ERICH1: variants seen among roughly 807,000 people sequenced by gnomAD.
ERICH1 encodes the protein glutamate rich 1.
In ERICH1, 56 loss-of-function variants were observed where a neutral mutation model predicts 39.6. That is an observed-to-expected ratio of 1.41 (90% CI 1.14 to 1.77). ERICH1 has a LOEUF of 1.77. Among genes scored for constraint, ERICH1 ranks in the 40% most tolerant of loss-of-function variants. ERICH1 has a pLI of 0.00. For synonymous variants in ERICH1, 313 were observed against 223.6 expected (o/e 1.40, Z -3.57); for missense variants, 826 against 575.4 (o/e 1.44, Z -4.45).
chr8:666,196 T>TG (rs1802209392), intron 5 of ERICH1: 1 of 152,174 alleles, frequency 6.6e-6, no homozygotes, highest in African/African-American at 2.4e-5. Context: ...GTTTTAATAA[T>TG]GGGGGGTTCT....
intron 3 of ERICH1, chr8:615,506 T>G: frequency 2.3e-6 from 1 of 438,518 alleles, no homozygotes; most frequent in Non-Finnish European, 4.0e-6. Context: ...CTGACACCAT[T>G]CCTGCAAAGG....
At chr8:655,789 C>T (rs959565498) in intron 3 of ERICH1, among the ~76,000 whole-genome samples, 5 of 105,928 alleles carry the variant, frequency 4.7e-5, no homozygotes, top group Non-Finnish European at 1.1e-4. Flanking sequence ...TATTTAAATA[C>T]ATTCCTGCAG....
chr8:664,717 CA>C, intron 5 of ERICH1, 41 bp from the exon 6 acceptor site: 2 of 1,514,036 alleles, frequency 1.3e-6, no homozygotes, highest in South Asian at 1.2e-5. Flanking sequence ...AAAACAAAGA[CA>C]AAAAGAAAAA....
chr8:676,795 C>G (rs1804939156), intron 3 of ERICH1, among the ~76,000 whole-genome samples: 1 of 152,240 alleles, frequency 6.6e-6, no homozygotes. Context: ...TGCACCACGC[C>G]AAGGGCGGGG....
At chr8:676,603 G>T (rs1006629105) in intron 3 of ERICH1, among the ~76,000 whole-genome samples, 10 of 152,156 alleles carry the variant, frequency 6.6e-5, no homozygotes, top group Non-Finnish European at 1.3e-4. Context: ...GGCGCCATGC[G>T]GGGGGAACAG....
rs112920057 is a variant in ERICH1, at chr8:690,171, A to G, written c.304+2307T>C. Among the ~76,000 whole-genome samples the G allele has an allele frequency of 2.5e-3, 387 of 152,270 alleles. 3 individuals carry two copies. The highest frequency in any genetic ancestry group is 0.01 in the Middle Eastern group (3 of 294). On this transcript the variant is annotated intron_variant, in intron 3 of 5. Transcript: ENST00000262109. ...GGCAGAGGTCCCAGAACCACATCCA[A>G]CACAATGCCATTCAAGACTTCCCAC...
At chr8:725,256 A>T (rs983201931) in intron 1 of ERICH1, 1 of 164,860 alleles carries the variant, frequency 6.1e-6, no homozygotes, top group African/African-American at 2.4e-5. Context: ...TCTCACAGGC[A>T]CAAGGGTCCC....
At chr8:644,021 G>T (rs927897651) in intron 3 of ERICH1, among the ~76,000 whole-genome samples, 2 of 152,232 alleles carry the variant, frequency 1.3e-5, no homozygotes, top group East Asian at 3.9e-4. Flanking sequence ...TGTGGGCTTG[G>T]TGGGGGCGCA....
Position 692,515 on chromosome 8 carries a change from C to T in ERICH1, c.267G>A (p.Gly89=), listed in dbSNP as rs750735878. 3.7e-6 allele frequency: 6 copies of T among 1,613,988 alleles called. No individual in the cohort carries two copies. In the African/African-American group the frequency reaches 6.7e-5, roughly 18 times the overall value. The part of the protein sequence containing the change: ...VPCWPEPSSC[G]SPENASSGDD... ...CCCCGCTGGAGGCGTTCTCGGGGCT[C>T]CCACAGCTGCTGGGCTCCGGCCAAC... Residue 89 remains glycine, a synonymous_variant, in exon 3 of 6, where the codon GGG becomes GGA. Coordinates refer to ENST00000262109, the MANE Select transcript of ERICH1 (RefSeq NM_207332.3).
At chr8:721,516 C>G (rs1034528481) in intron 1 of ERICH1, among the ~76,000 whole-genome samples, 6 of 152,252 alleles carry the variant, frequency 3.9e-5, no homozygotes, top group Non-Finnish European at 8.8e-5. Context: ...CCCAGGCACT[C>G]AGGGCCTTTA....
At chr8:670,314 C>T (rs1176707051) in intron 4 of ERICH1, among the ~76,000 whole-genome samples, 1 of 149,262 alleles carries the variant, frequency 6.7e-6, no homozygotes. Context: ...CGGCCTCTCC[C>T]ACTGTGGCTC....
rs568608822 is a variant in ERICH1, at chr8:634,344, G to C, written c.977-19060C>G. Among the ~76,000 whole-genome samples the C allele has an allele frequency of 3.0e-4, 45 of 152,320 alleles. 1 individual carries two copies. In the South Asian group the frequency reaches 4.8e-3, roughly 16 times the overall value. Reference sequence around the variant, plus strand: ...CAAAACACAAAGGCAACGAGCGAGCGTCGTGGAGCGCTTGGAACCCTCGTG... The same window carrying C: ...CAAAACACAAAGGCAACGAGCGAGCCTCGTGGAGCGCTTGGAACCCTCGTG... On this transcript the variant is annotated intron_variant, in intron 3 of 3. Transcript: ENST00000522706.
At chr8:687,557 G>T (rs1340223467) in intron 3 of ERICH1, among the ~76,000 whole-genome samples, 1 of 152,240 alleles carries the variant, frequency 6.6e-6, no homozygotes, top group Non-Finnish European at 1.5e-5. Context: ...GGAGAGGCGG[G>T]AACCCGTGGA....
intron 1 of ERICH1, among the ~76,000 whole-genome samples, chr8:720,801 G>A (rs1480450531): frequency 6.6e-6 from 1 of 152,190 alleles, no homozygotes; most frequent in African/African-American, 2.4e-5. Flanking sequence ...CTAGAACCTA[G>A]TGAAGGAAAA....
intron 3 of ERICH1, among the ~76,000 whole-genome samples, chr8:621,129 T>C (rs566102178): frequency 6.6e-6 from 1 of 152,280 alleles, no homozygotes; most frequent in East Asian, 1.9e-4. Context: ...CTTGGGAAAT[T>C]CACAAATATG....
At chr8:701,591 C>A (rs113085265) in intron 2 of ERICH1, among the ~76,000 whole-genome samples, 2 of 152,202 alleles carry the variant, frequency 1.3e-5, no homozygotes, top group Non-Finnish European at 2.9e-5. Context: ...GCAACAGAGT[C>A]GGACCACCAC....
chr8:731,072 C>A, intron 1 of ERICH1, 68 bp downstream of exon 1: 2 of 1,387,700 alleles, frequency 1.4e-6, no homozygotes, highest in Non-Finnish European at 1.9e-6. Context: ...GGTCCCGAGT[C>A]AACACCGCGG....
At chr8:710,032 G>C (rs1703946) in intron 2 of ERICH1, among the ~76,000 whole-genome samples, 66,732 of 152,038 alleles carry the variant, frequency 0.44, 15,462 homozygotes, top group East Asian at 0.88. Context: ...GTTAGGGATG[G>C]CCTGCTTCTT....
intron 3 of ERICH1, among the ~76,000 whole-genome samples, chr8:629,096 A>T (rs1167201855): frequency 1.3e-5 from 2 of 152,184 alleles, no homozygotes. Context: ...GGAAATCATT[A>T]GGGACAAGCT....
Sources: gnomAD v4.1 joint callset for allele counts (sites outside exome capture counted in the v4.1 genomes callset) on GRCh38, gnomAD v4.1.1 for gene constraint, MANE v1.5 for transcripts, NCBI Gene and HGNC (gene_info 2026-07-23, HGNC 2026-07-21) for gene names.